Variants in UNC5C observed in about 807,000 individuals in gnomAD.
The protein encoded by UNC5C is netrin receptor UNC5C.
A neutral mutation model predicts 99.8 loss-of-function variants in UNC5C; 47 were observed. The observed-to-expected ratio is 0.47, with a 90% confidence interval of 0.37 to 0.60. The LOEUF (loss-of-function observed/expected upper bound fraction) is 0.60, where lower values mean the gene tolerates loss of function less well. UNC5C is among the 20% of genes least tolerant of loss of function. UNC5C has a pLI of 0.00. For missense variants in UNC5C, 1,062 were observed against 1,165.9 expected, an observed-to-expected ratio of 0.91 and a Z score of 1.30; for synonymous variants, 487 against 452.2, an observed-to-expected ratio of 1.08 and a Z score of -0.98.
At chr4:95,431,146 G>A (rs965654378) in intron 1 of UNC5C, among the ~76,000 whole-genome samples, 1 of 151,862 alleles carries the variant, frequency 6.6e-6, no homozygotes, top group African/African-American at 2.4e-5. Flanking sequence ...ACTCCCATGC[G>A]ACCTTCAGCT....
At chr4:95,538,178 G>A (rs1722827263) in intron 1 of UNC5C, among the ~76,000 whole-genome samples, 1 of 152,062 alleles carries the variant, frequency 6.6e-6, no homozygotes, top group South Asian at 2.1e-4. Flanking sequence ...TAGTTTTAGG[G>A]AAAAAAATTA....
intron 10 of UNC5C, among the ~76,000 whole-genome samples, chr4:95,210,841 A>C (rs1029467677): frequency 1.3e-5 from 2 of 152,176 alleles, no homozygotes; most frequent in Non-Finnish European, 1.5e-5. Context: ...GAGAACTTCT[A>C]ATCAAGAGTG....
intron 4 of UNC5C, among the ~76,000 whole-genome samples, chr4:95,270,942 G>C (rs1740637084): frequency 6.6e-6 from 1 of 152,146 alleles, no homozygotes; most frequent in Admixed American, 6.5e-5. Flanking sequence ...AAAGTGTTCA[G>C]GTCTATAGCT....
chr4:95,340,097 G>A (rs1378526944), intron 1 of UNC5C, among the ~76,000 whole-genome samples: 2 of 151,916 alleles, frequency 1.3e-5, no homozygotes, highest in Non-Finnish European at 2.9e-5. Flanking sequence ...TTTTCACCAT[G>A]TATTATTTTT....
intron 1 of UNC5C, among the ~76,000 whole-genome samples, chr4:95,506,979 C>T (rs1721939991): frequency 6.6e-6 from 1 of 151,648 alleles, no homozygotes; most frequent in African/African-American, 2.4e-5. Flanking sequence ...ATAGTATGTG[C>T]ATATACACAG....
At chr4:95,222,209 C>T (rs965540593) in intron 7 of UNC5C, 15 of 1,492,396 alleles carry the variant, frequency 1.0e-5, no homozygotes, top group African/African-American at 9.9e-5. Flanking sequence ...ATCAAACTTA[C>T]AAGAAAATCC....
intron 1 of UNC5C, among the ~76,000 whole-genome samples, chr4:95,464,381 C>A (rs1747706513): frequency 6.6e-6 from 1 of 152,132 alleles, no homozygotes; most frequent in Non-Finnish European, 1.5e-5. Flanking sequence ...TTAAAAATGA[C>A]AAGTATTGAG....
At chr4:95,536,383 A>G (rs1365571544) in intron 1 of UNC5C, among the ~76,000 whole-genome samples, 1 of 152,076 alleles carries the variant, frequency 6.6e-6, no homozygotes, top group Non-Finnish European at 1.5e-5. Flanking sequence ...GCCACTCAAT[A>G]TATTTTTTTT....
chr4:95,384,627 C>T (rs1745161299), intron 1 of UNC5C, among the ~76,000 whole-genome samples: 1 of 152,060 alleles, frequency 6.6e-6, no homozygotes, highest in Non-Finnish European at 1.5e-5. Flanking sequence ...GAATGACATC[C>T]TGGCAGGAGG....
intron 1 of UNC5C, among the ~76,000 whole-genome samples, chr4:95,414,685 TTAAAG>T (rs1347461698): frequency 1.3e-5 from 2 of 152,210 alleles, no homozygotes; most frequent in Non-Finnish European, 2.9e-5. Flanking sequence ...ACACGTACAT[TTAAAG>T]TAAATTCTCC....
chr4:95,261,203 G>A (rs1346069287), intron 4 of UNC5C, among the ~76,000 whole-genome samples: 1 of 152,124 alleles, frequency 6.6e-6, no homozygotes, highest in Non-Finnish European at 1.5e-5. Context: ...CAGGACTTGG[G>A]TTGAGGCTGT....
Position 95,176,845 on chromosome 4 carries a change from C to T in UNC5C, c.2451+6052G>A, listed in dbSNP as rs568549125. On this transcript the variant is annotated intron_variant, in intron 14 of 15. Coordinates refer to ENST00000453304, the MANE Select transcript of UNC5C (RefSeq NM_003728.4). ...GGCGGGGGCCCCTCCCCCAGCCTCG[C>T]TGCCGCCTTGCAGTTTGATCTCAGA... 3.2e-4 allele frequency among the ~76,000 whole-genome samples: 48 copies of T among 152,358 alleles called. 1 individual carries two copies. Among genetic ancestry groups the T allele is most frequent in the Admixed American group, 2.0e-3 (31 of 15,314 alleles).
At chr4:95,402,259 C>T (rs1745721893) in intron 1 of UNC5C, among the ~76,000 whole-genome samples, 1 of 152,094 alleles carries the variant, frequency 6.6e-6, no homozygotes, top group Admixed American at 6.5e-5. Flanking sequence ...ATGGCTGCTA[C>T]CCTATTTATC....
intron 1 of UNC5C, among the ~76,000 whole-genome samples, chr4:95,409,650 T>C (rs1336964069): frequency 6.6e-6 from 1 of 152,162 alleles, no homozygotes; most frequent in African/African-American, 2.4e-5. Context: ...AAAAAAAATA[T>C]CCTCTATGAG....
At chr4:95,316,434 T>C (rs770751763) in intron 2 of UNC5C, among the ~76,000 whole-genome samples, 19 of 152,084 alleles carry the variant, frequency 1.2e-4, no homozygotes, top group Non-Finnish European at 2.5e-4. Context: ...AAGCCTAGCA[T>C]CCCCACCCTC....
chr4:95,278,642 T>G (rs557597653), intron 3 of UNC5C, among the ~76,000 whole-genome samples: 352 of 152,046 alleles, frequency 2.3e-3, no homozygotes, highest in Non-Finnish European at 3.8e-3. Context: ...GCTTGGCTAT[T>G]TTTTTAAAAA....
At chr4:95,351,465 G>A (rs984502262) in intron 1 of UNC5C, among the ~76,000 whole-genome samples, 1 of 151,932 alleles carries the variant, frequency 6.6e-6, no homozygotes, top group Admixed American at 6.6e-5. Flanking sequence ...AAACAGAAAT[G>A]TGCATATTTA....
chr4:95,502,319 C>T (rs1010842003), intron 1 of UNC5C, among the ~76,000 whole-genome samples: 3 of 152,060 alleles, frequency 2.0e-5, no homozygotes, highest in African/African-American at 7.2e-5. Context: ...GCCCAGGCTG[C>T]CTGCAGTAGT....
At chr4:95,453,721 A>G (rs1747349623) in intron 1 of UNC5C, among the ~76,000 whole-genome samples, 2 of 152,220 alleles carry the variant, frequency 1.3e-5, no homozygotes, top group South Asian at 2.1e-4. Flanking sequence ...GAGAATACAG[A>G]CAAATAAGCA....
Sources: allele counts gnomAD v4.1 joint callset (sites outside exome capture counted in the v4.1 genomes callset), GRCh38; gene constraint gnomAD v4.1.1; transcripts MANE v1.5; gene names NCBI Gene and HGNC (gene_info 2026-07-23, HGNC 2026-07-21).